The following LHFPL3 variants were observed in gnomAD, a reference collection of about 807,000 sequenced individuals.
LHFPL3 encodes the protein LHFPL tetraspan subfamily member 3 protein.
Under a neutral mutation model 19.3 loss-of-function variants are expected in LHFPL3, and 5 were observed. The ratio of observed to expected loss-of-function variants is 0.26; its 90% CI spans 0.14 to 0.54. LHFPL3 has a LOEUF of 0.54. Among genes scored for constraint, LHFPL3 ranks in the 20% least tolerant of loss-of-function variants. The pLI is 0.94. For missense variants in LHFPL3, 249 were observed against 307.4 expected (o/e 0.81, Z 1.42); for synonymous variants, 133 against 126.2 (o/e 1.05, Z -0.36).
chr7:104,645,742 G>C (rs1295988267), intron 1 of LHFPL3, among the ~76,000 whole-genome samples: 1 of 129,628 alleles, frequency 7.7e-6, no homozygotes, highest in Non-Finnish European at 1.6e-5. Context: ...CTCACTGCAA[G>C]CTCCGCCTCC....
In LHFPL3 at chr7:104,879,701, TAAAAG is replaced by T. The variant is rs1228394857; in HGVS notation, c.683-26481_683-26477del. ...GTGTGGCAGAGCAAGAATCTGTCTCTAAAAGAAAATAAAAAATTACAAAATGAAGC... is the reference window on the plus strand; with the variant it reads ...GTGTGGCAGAGCAAGAATCTGTCTCTAAAATAAAAAATTACAAAATGAAGC... On this transcript the variant is annotated intron_variant, in intron 2 of 2. Coordinates refer to ENST00000424859, the MANE Select transcript of LHFPL3 (RefSeq NM_199000.3). 3.3e-5 allele frequency among the ~76,000 whole-genome samples: 5 copies of T among 152,276 alleles called. No individual in the cohort carries two copies. In the East Asian group the frequency reaches 9.6e-4, roughly 29 times the overall value.
intron 1 of LHFPL3, among the ~76,000 whole-genome samples, chr7:104,409,016 C>T (rs1190152001): frequency 2.0e-5 from 3 of 149,690 alleles, no homozygotes; most frequent in Admixed American, 6.7e-5. Context: ...AGGCGCCTGC[C>T]ACCACGCCCG....
At chr7:104,846,643 A>C (rs1470366403) in intron 2 of LHFPL3, among the ~76,000 whole-genome samples, 1 of 152,208 alleles carries the variant, frequency 6.6e-6, no homozygotes, top group Non-Finnish European at 1.5e-5. Context: ...TCTTCCCATC[A>C]AAGCATCTTT....
chr7:104,814,499 G>C (rs1790528319), intron 2 of LHFPL3, among the ~76,000 whole-genome samples: 1 of 152,118 alleles, frequency 6.6e-6, no homozygotes, highest in Non-Finnish European at 1.5e-5. Flanking sequence ...CCCAGAAAAG[G>C]CACTACAAGT....
intron 1 of LHFPL3, among the ~76,000 whole-genome samples, chr7:104,499,476 A>G (rs903050509): frequency 1.4e-4 from 22 of 152,204 alleles, no homozygotes; most frequent in African/African-American, 4.8e-4. Flanking sequence ...TCAAGATATT[A>G]TCTTGGTACC....
chr7:104,821,099 T>G (rs1790667288), intron 2 of LHFPL3, among the ~76,000 whole-genome samples: 1 of 152,336 alleles, frequency 6.6e-6, no homozygotes, highest in Non-Finnish European at 1.5e-5. Flanking sequence ...TAGATTAATC[T>G]TTATTGCATG....
intron 1 of LHFPL3, among the ~76,000 whole-genome samples, chr7:104,534,253 G>A (rs76639896): frequency 0.027 from 4,053 of 152,228 alleles, 181 homozygotes; most frequent in African/African-American, 0.092. Context: ...AAAAAAATCC[G>A]TGAAATGCTT....
chr7:104,499,084 A>G (rs1389553948), intron 1 of LHFPL3, among the ~76,000 whole-genome samples: 1 of 152,214 alleles, frequency 6.6e-6, no homozygotes, highest in Non-Finnish European at 1.5e-5. Context: ...TTTTACTCCA[A>G]AAGTAATGGC....
intron 1 of LHFPL3, among the ~76,000 whole-genome samples, chr7:104,560,789 G>T (rs1382544099): frequency 2.1e-5 from 3 of 144,816 alleles, no homozygotes; most frequent in Admixed American, 2.1e-4. Flanking sequence ...GTCAATTTTG[G>T]ATCTTTCCTG....
intron 1 of LHFPL3, among the ~76,000 whole-genome samples, chr7:104,350,400 C>G (rs986117846): frequency 1.3e-5 from 2 of 152,180 alleles, no homozygotes; most frequent in Non-Finnish European, 2.9e-5. Flanking sequence ...AGACTTGTAA[C>G]TACTGTGCTC....
chr7:104,382,158 T>G (rs763296257), intron 1 of LHFPL3, among the ~76,000 whole-genome samples: 1 of 152,172 alleles, frequency 6.6e-6, no homozygotes, highest in Non-Finnish European at 1.5e-5. Context: ...GGTAGTGGTT[T>G]TCAAAGTGTG....
intron 2 of LHFPL3, among the ~76,000 whole-genome samples, chr7:104,741,711 G>A (rs1473518677): frequency 2.0e-5 from 3 of 151,900 alleles, no homozygotes; most frequent in African/African-American, 4.8e-5. Context: ...ACATTTTTGT[G>A]TATTGGCGGC....
At chr7:104,485,924 TTTTG>T (rs1405938302) in intron 1 of LHFPL3, among the ~76,000 whole-genome samples, 4 of 152,198 alleles carry the variant, frequency 2.6e-5, no homozygotes, top group African/African-American at 7.2e-5. Context: ...TCAAAAATGT[TTTTG>T]TTTGTTTATG....
intron 2 of LHFPL3, among the ~76,000 whole-genome samples, chr7:104,905,811 G>C (rs1314187860): frequency 6.6e-6 from 1 of 152,154 alleles, no homozygotes; most frequent in Non-Finnish European, 1.5e-5. Flanking sequence ...CTATAATGTT[G>C]AGTTCAAATA....
At chr7:104,514,651 A>C (rs1793887219) in intron 1 of LHFPL3, among the ~76,000 whole-genome samples, 1 of 152,198 alleles carries the variant, frequency 6.6e-6, no homozygotes, top group African/African-American at 2.4e-5. Context: ...AGGGAGCTGG[A>C]AACTGGTGTG....
At chr7:104,346,220 G>A (rs1790061867) in intron 1 of LHFPL3, among the ~76,000 whole-genome samples, 1 of 151,858 alleles carries the variant, frequency 6.6e-6, no homozygotes, top group African/African-American at 2.4e-5. Flanking sequence ...ATTTTTAGTA[G>A]AGATGGGGTT....
At chr7:104,458,233 GT>G (rs1414120374) in intron 1 of LHFPL3, among the ~76,000 whole-genome samples, 3 of 151,942 alleles carry the variant, frequency 2.0e-5, no homozygotes, top group African/African-American at 7.3e-5. Context: ...TTCTTCTAGG[GT>G]TTTTATGGTT....
chr7:104,470,546 G>C (rs1010323320), intron 1 of LHFPL3, among the ~76,000 whole-genome samples: 2 of 152,172 alleles, frequency 1.3e-5, no homozygotes, highest in Admixed American at 1.3e-4. Context: ...CCAACATTTT[G>C]AGTGTTCACT....
intron 2 of LHFPL3, among the ~76,000 whole-genome samples, chr7:104,879,875 T>C (rs1318953189): frequency 6.6e-6 from 1 of 152,192 alleles, no homozygotes; most frequent in African/African-American, 2.4e-5. Flanking sequence ...CTTTCACAGC[T>C]AGACAGAAGT....
Sources: gnomAD v4.1 joint callset for allele counts (sites outside exome capture counted in the v4.1 genomes callset) on GRCh38, gnomAD v4.1.1 for gene constraint, MANE v1.5 for transcripts, NCBI Gene and HGNC (gene_info 2026-07-23, HGNC 2026-07-21) for gene names.